CDHR3: variants seen among roughly 807,000 people sequenced by gnomAD.
The protein encoded by CDHR3 is cadherin related family member 3.
CDHR3 carries 79 observed loss-of-function variants against 86.6 expected under a neutral mutation model. The observed-to-expected ratio is 0.91, with a 90% CI of 0.76 to 1.10. The LOEUF (loss-of-function observed/expected upper bound fraction) is 1.10, where lower values mean the gene tolerates loss of function less well. Ranked by LOEUF, CDHR3 falls within the 50% of genes least tolerant of loss-of-function variation. The pLI, the probability that CDHR3 is intolerant of heterozygous loss-of-function variation, is 0.00. For synonymous variants in CDHR3, 421 were observed against 402.4 expected (o/e 1.05, Z -0.55); for missense variants, 1,081 against 1,077.6 (o/e 1.00, Z -0.04).
At chr7:105,996,177 T>A in intron 5 of CDHR3, 73 bp from the exon 6 acceptor site, 1 of 819,768 alleles carries the variant, frequency 1.2e-6, no homozygotes, top group Non-Finnish European at 2.1e-6. Context: ...TCCCACCCCA[T>A]GATTTTCCCC....
chr7:105,980,725 G>T (rs1829605926), intron 2 of CDHR3, among the ~76,000 whole-genome samples: 1 of 150,028 alleles, frequency 6.7e-6, no homozygotes, highest in Non-Finnish European at 1.5e-5. Context: ...GCATCAGAAG[G>T]TCTCCTGACT....
chr7:105,994,509 G>A (rs915703545), intron 4 of CDHR3, among the ~76,000 whole-genome samples: 1 of 152,156 alleles, frequency 6.6e-6, no homozygotes, highest in African/African-American at 2.4e-5. Context: ...GCTTTCTGTA[G>A]TTAGAACAAG....
Position 106,016,022 on chromosome 7 carries a change from C to T in CDHR3, c.1423C>T (p.Pro475Ser). 6.2e-7 allele frequency: 1 copy of T among 1,601,350 alleles called. No homozygotes were observed. Among genetic ancestry groups the T allele is most frequent in the Non-Finnish European group, 8.5e-7 (1 of 1,171,084 alleles). Residue 475 changes from proline (P) to serine (S), a missense_variant, in exon 11 of 19, where the codon CCC (proline) becomes TCC (serine). Pro to Ser is a moderately conservative substitution (Grantham distance 74). Coordinates refer to ENST00000317716, the MANE Select transcript of CDHR3 (RefSeq NM_152750.5). The part of the protein sequence containing the change: ...SYVFDVSERR[P>S]ARTRVGQVRA... ...TGTATTTGATGTGTCAGAAAGAAGG[C>T]CCGGTAAGTAACAGATAAGACACAG...
intron 1 of CDHR3, among the ~76,000 whole-genome samples, chr7:105,972,412 G>T (rs193798): frequency 6.6e-6 from 1 of 152,080 alleles, no homozygotes; most frequent in Non-Finnish European, 1.5e-5. Context: ...TCACTGGAGA[G>T]GGTTGGAGGG....
Position 106,028,917 on chromosome 7 carries a change from T to TC in CDHR3, c.2304+335_2304+336insC, listed in dbSNP as rs1412978894. On this transcript the variant is annotated intron_variant, in intron 17 of 18. Coordinates refer to ENST00000317716, the MANE Select transcript of CDHR3 (RefSeq NM_152750.5). Reference sequence around the variant, plus strand: ...CTTCAGCCTCCAGTGAGATTTAAATTTTCTTTCTTTCTTTCTTTCTTTCTT... The same window carrying TC: ...CTTCAGCCTCCAGTGAGATTTAAATTCTTCTTTCTTTCTTTCTTTCTTTCTT... Among the ~76,000 whole-genome samples the TC allele has an allele frequency of 7.6e-3, 212 of 27,894 alleles. 2 individuals carry two copies. Among genetic ancestry groups the TC allele is most frequent in the African/African-American group, 0.029 (197 of 6,704 alleles). The allele number at this position is 27,894 out of a possible 152,430, so 18.3% of individuals were successfully genotyped here.
chr7:106,023,543 C>G (rs960740977), intron 14 of CDHR3, among the ~76,000 whole-genome samples: 3 of 152,168 alleles, frequency 2.0e-5, no homozygotes, highest in East Asian at 1.9e-4. Flanking sequence ...TCTTCCTCCT[C>G]CTCTTCCTCC....
chr7:106,029,840 C>G (rs1263519292), intron 17 of CDHR3, among the ~76,000 whole-genome samples: 1 of 152,170 alleles, frequency 6.6e-6, no homozygotes, highest in African/African-American at 2.4e-5. Context: ...TCTCCTGGGT[C>G]TTATTGTCTA....
chr7:105,970,674 T>A (rs1237828512), intron 1 of CDHR3, among the ~76,000 whole-genome samples: 1 of 152,208 alleles, frequency 6.6e-6, no homozygotes, highest in East Asian at 1.9e-4. Context: ...CACTTAAGCT[T>A]ACCTGTATAA....
In CDHR3 at chr7:106,032,393, T is replaced by G; in HGVS notation, c.2354T>G (p.Val785Gly). 1.2e-6 allele frequency: 2 copies of G among 1,602,538 alleles called. No individual in the cohort carries two copies. The highest frequency in any genetic ancestry group is 1.7e-6 in the Non-Finnish European group (2 of 1,172,480). Residue 785 changes from valine (V) to glycine (G), a missense_variant and splice_region_variant, in exon 19 of 19, where the codon GTG becomes GGG. Physicochemically the swap from Val to Gly is moderately radical, Grantham distance 109. Coordinates refer to ENST00000317716, the MANE Select transcript of CDHR3 (RefSeq NM_152750.5). ...TIFDGEAIDP[V>G]TGETYEFNSK... ...GATTGTTGTATTTTTTTTTCACTAG[T>G]GACCGGGGAAACATATGAATTCAAC...
At chr7:106,018,879 C>T (rs993347226) in intron 12 of CDHR3, among the ~76,000 whole-genome samples, 9 of 152,220 alleles carry the variant, frequency 5.9e-5, no homozygotes, top group Admixed American at 5.2e-4. Flanking sequence ...CAGGCAGATT[C>T]TGAGTCAGAG....
intron 3 of CDHR3, among the ~76,000 whole-genome samples, chr7:105,983,508 G>A (rs10227972): frequency 0.15 from 22,389 of 152,120 alleles, 1,716 homozygotes; most frequent in African/African-American, 0.2. Context: ...TCAGCACGGT[G>A]CCCCCCAATA....
chr7:106,028,360 T>C (rs757587088), intron 16 of CDHR3, 191 bp from the exon 17 acceptor site: 6 of 677,246 alleles, frequency 8.9e-6, no homozygotes, highest in Non-Finnish European at 1.6e-5. Context: ...TGTGTATACA[T>C]ATGTGTACGT....
intron 16 of CDHR3, among the ~76,000 whole-genome samples, chr7:106,028,182 G>GAAAT (rs1563310309): frequency 1.7e-4 from 22 of 130,510 alleles, no homozygotes; most frequent in African/African-American, 6.1e-4. Flanking sequence ...TAAAATAAAA[G>GAAAT]GGCTTGGGAA....
intron 15 of CDHR3, among the ~76,000 whole-genome samples, chr7:106,025,675 G>A (rs1401315683): frequency 6.6e-6 from 1 of 152,126 alleles, no homozygotes; most frequent in African/African-American, 2.4e-5. Flanking sequence ...AATATTAACT[G>A]TCAAATAAGA....
chr7:106,022,229 C>G lies in CDHR3; in HGVS notation c.1857C>G (p.Pro619=). The part of the protein sequence containing the change: ...GNVNNHFTFS[P]NAGSNVTRLL... ...TCAACAATCATTTCACCTTCTCTCC[C>G]AATGCTGGTTCCAATGTCACACGCC... The change falls in exon 14 of 19, where the codon CCC becomes CCG. Residue 619 remains proline, a synonymous_variant. Transcript: ENST00000317716. The G allele has an allele frequency of 6.2e-7, 1 of 1,614,040 alleles. No individual in the cohort carries two copies. Among genetic ancestry groups the G allele is most frequent in the South Asian group, 1.1e-5 (1 of 91,080 alleles).
chr7:105,969,240 C>CA (rs561288062), intron 1 of CDHR3, among the ~76,000 whole-genome samples: 206 of 140,616 alleles, frequency 1.5e-3, no homozygotes, highest in African/African-American at 4.7e-3. Context: ...ACTAAAAATA[C>CA]AAAAAAAAAT....
chr7:105,999,402 C>T (rs7793669), intron 6 of CDHR3, among the ~76,000 whole-genome samples: 29,231 of 152,152 alleles, frequency 0.19, 3,425 homozygotes, highest in Admixed American at 0.29. Context: ...ACTAGATGAG[C>T]CTTCAGAGCA....
At position 106,015,945 on chromosome 7, in the gene CDHR3, T is replaced by C. The variant is rs373431816; in HGVS notation, c.1346T>C (p.Ile449Thr). The part of the protein sequence containing the change: ...PYYKNNVYVY[I>T]LTSPENEFPL... ...TTTTTAGATAACGTCTACGTTTATA[T>C]CCTAACAAGCCCAGAAAATGAGTTT... The change falls in exon 11 of 19, where the codon ATC (isoleucine) becomes ACC (threonine). Residue 449 changes from isoleucine (I) to threonine (T), a missense_variant. Transcript: ENST00000317716. 45 of 1,611,852 alleles carry C rather than the reference T, an allele frequency of 2.8e-5. No homozygotes were observed. The highest frequency in any genetic ancestry group is 3.6e-5 in the Non-Finnish European group (42 of 1,178,466).
intron 1 of CDHR3, among the ~76,000 whole-genome samples, chr7:105,971,270 C>T (rs185335657): frequency 6.6e-6 from 1 of 152,264 alleles, no homozygotes; most frequent in East Asian, 1.9e-4. Flanking sequence ...CTGGCACACA[C>T]GGCCTTGCCC....
Sources: gnomAD v4.1 joint callset for allele counts (sites outside exome capture counted in the v4.1 genomes callset) on GRCh38, gnomAD v4.1.1 for gene constraint, MANE v1.5 for transcripts, NCBI Gene and HGNC (gene_info 2026-07-23, HGNC 2026-07-21) for gene names.